The following AK3 variants were observed in gnomAD, a reference collection of about 807,000 sequenced individuals.
AK3 encodes the protein GTP:AMP phosphotransferase AK3, mitochondrial.
A neutral mutation model predicts 23.7 loss-of-function variants in AK3; 27 were observed. The observed-to-expected ratio is 1.14, with a 90% CI of 0.84 to 1.57. The LOEUF is 1.57. Ranked by LOEUF, AK3 falls within the 40% of genes most tolerant of loss-of-function variation. AK3 has a pLI of 0.00. For synonymous variants in AK3, 159 were observed against 116.0 expected (o/e 1.37, Z -2.38); for missense variants, 406 against 285.6 (o/e 1.42, Z -3.04).
intron 1 of AK3, among the ~76,000 whole-genome samples, chr9:4,734,131 C>G (rs142033519): frequency 1.5e-4 from 23 of 152,258 alleles, no homozygotes; most frequent in African/African-American, 5.1e-4. Flanking sequence ...TGGGAGGGCA[C>G]TAATCCAATA....
rs1177309289 is a variant in AK3, at chr9:4,718,435, C to T, written c.547G>A (p.Val183Ile). ...AAAACTCACTGGTAATATTCCAGGA[C>T]TGGCTTTGTTTGGTCTTCATAAGCC... ...LKAYEDQTKP[V>I]LEYYQKKGVL... is the part of the protein sequence containing the mutation. The change falls in exon 4 of 5, where the codon GTC becomes ATC. Residue 183 changes from valine to isoleucine, a missense_variant. Physicochemically the swap from Val to Ile is conservative, Grantham distance 29. Transcript: ENST00000381809. 1.2e-6 allele frequency: 2 copies of T among 1,612,282 alleles called. No individual in the cohort carries two copies. The highest frequency in any genetic ancestry group is 1.7e-5 in the Admixed American group (1 of 59,976).
intron 1 of AK3, among the ~76,000 whole-genome samples, chr9:4,740,027 T>A (rs548439115): frequency 1.3e-4 from 19 of 143,236 alleles, no homozygotes; most frequent in Non-Finnish European, 2.7e-4. Flanking sequence ...TTGTTTTTTA[T>A]GCTATGCACG....
At chr9:4,720,075 C>G (rs1361768767) in intron 2 of AK3, among the ~76,000 whole-genome samples, 2 of 151,884 alleles carry the variant, frequency 1.3e-5, no homozygotes, top group African/African-American at 4.8e-5. Flanking sequence ...AACAAACAAA[C>G]AAACACTCCA....
At position 4,711,781 on chromosome 9, in the gene AK3, C is replaced by G. The variant is rs115367443; in HGVS notation, c.*1195G>C. Reference sequence around the variant, plus strand: ...TCCAATTTTTAAATGGCTGCTCAGACGACACCAATAGAGTTCTTTCTCCTT... The same window carrying G: ...TCCAATTTTTAAATGGCTGCTCAGAGGACACCAATAGAGTTCTTTCTCCTT... On this transcript the variant is annotated 3_prime_UTR_variant, in exon 5 of 5. Coordinates refer to ENST00000381809, the MANE Select transcript of AK3 (RefSeq NM_016282.4). 2.0e-5 allele frequency: 3 copies of G among 152,126 alleles called. No individual in the cohort carries two copies. Among genetic ancestry groups the G allele is most frequent in the Non-Finnish European group, 2.9e-5 (2 of 68,016 alleles). The allele number at this position is 152,126 out of a possible 1,614,324, so 9.4% of individuals were successfully genotyped here. A position where few individuals can be genotyped will look rare whatever the true frequency, so the allele number is the denominator to read the frequency against.
At chr9:4,725,537 G>C (rs1464442573) in intron 1 of AK3, among the ~76,000 whole-genome samples, 2 of 151,968 alleles carry the variant, frequency 1.3e-5, no homozygotes, top group Non-Finnish European at 2.9e-5. Flanking sequence ...GGGAGGCTGA[G>C]GTGGGCAGAT....
intron 1 of AK3, among the ~76,000 whole-genome samples, chr9:4,738,311 G>A (rs1387670208): frequency 2.6e-5 from 4 of 152,014 alleles, no homozygotes; most frequent in African/African-American, 7.2e-5. Context: ...GATTACAAGC[G>A]CCCACCACCA....
chr9:4,718,386 A>T, intron 4 of AK3, 33 bp downstream of exon 4: 1 of 1,495,486 alleles, frequency 6.7e-7, no homozygotes, highest in Non-Finnish European at 9.3e-7. Flanking sequence ...GTGCACCACT[A>T]CGCAAGAGAA....
chr9:4,718,351 G>T, intron 4 of AK3, 68 bp downstream of exon 4: 1 of 1,180,190 alleles, frequency 8.5e-7, no homozygotes, highest in Non-Finnish European at 1.3e-6. Flanking sequence ...CAGCTGTAGA[G>T]GAAGGAAAAT....
At chr9:4,722,757 G>C (rs1841934377) in intron 1 of AK3, 132 bp from the exon 2 acceptor site, 3 of 1,367,910 alleles carry the variant, frequency 2.2e-6, no homozygotes, top group East Asian at 2.4e-5. Flanking sequence ...CAACTTTTCT[G>C]ATAAAAACAA....
In AK3 at chr9:4,722,415, C is replaced by T; in HGVS notation, c.271+91G>A. 2.5e-6 allele frequency: 4 copies of T among 1,578,274 alleles called. No individual in the cohort carries two copies. The Admixed American group carries it at 5.2e-5, about 21-fold the overall frequency. On this transcript the variant is annotated intron_variant, in intron 2 of 4. Coordinates refer to ENST00000381809, the MANE Select transcript of AK3 (RefSeq NM_016282.4). Reference sequence around the variant, plus strand: ...GCACCCCTCTCCCCAAACCACCATCCTTGACGTCTGTCTGAAGCCCATGAA... The same window carrying T: ...GCACCCCTCTCCCCAAACCACCATCTTTGACGTCTGTCTGAAGCCCATGAA...
At chr9:4,728,880 C>T (rs78030949) in intron 1 of AK3, among the ~76,000 whole-genome samples, 9 of 97,628 alleles carry the variant, frequency 9.2e-5, no homozygotes, top group African/African-American at 1.5e-4. Flanking sequence ...CACACACACA[C>T]ACATACATAT....
Position 4,741,133 on chromosome 9 carries a change from C to A in AK3, c.-46G>T. ...ACCGCGCGGGTACCAGGGCTTTGGCCTGGCCTGCGCGCTCACCCGCTCGGC... is the reference window on the plus strand; with the variant it reads ...ACCGCGCGGGTACCAGGGCTTTGGCATGGCCTGCGCGCTCACCCGCTCGGC... On this transcript the variant is annotated 5_prime_UTR_variant, in exon 1 of 5. It adds an upstream start codon to the 5' untranslated region. Transcript: ENST00000381809. 1 of 1,396,360 alleles carries A rather than the reference C, an allele frequency of 7.2e-7. No homozygotes were observed. Among genetic ancestry groups the A allele is most frequent in the Non-Finnish European group, 9.3e-7 (1 of 1,075,180 alleles). The allele number at this position is 1,396,360 out of a possible 1,614,324, so 86.5% of individuals were successfully genotyped here. A position where few individuals can be genotyped will look rare whatever the true frequency, so the allele number is the denominator to read the frequency against.
In AK3 at chr9:4,711,155, T is replaced by C. The variant is rs191099398; in HGVS notation, c.*1821A>G. 6.6e-6 allele frequency: 1 copy of C among 152,470 alleles called. No homozygotes were observed. Among genetic ancestry groups the C allele is most frequent in the South Asian group, 2.1e-4 (1 of 4,820 alleles). The allele number at this position is 152,470 out of a possible 1,614,324, so 9.4% of individuals were successfully genotyped here. ...TATTGCATAAACTGAAACCAGCCTATGGACTGTTTTAAGATCATTTATTAG... is the reference window on the plus strand; with the variant it reads ...TATTGCATAAACTGAAACCAGCCTACGGACTGTTTTAAGATCATTTATTAG... On this transcript the variant is annotated 3_prime_UTR_variant, in exon 5 of 5. Coordinates refer to ENST00000381809, the MANE Select transcript of AK3 (RefSeq NM_016282.4).
At chr9:4,741,295 C>T (rs1028864325), upstream of AK3, 13 of 442,400 alleles carry the variant, frequency 2.9e-5, no homozygotes, top group South Asian at 8.6e-5. Context: ...TCTCGGCTAC[C>T]CCGGCGCACC....
At chr9:4,713,789 T>C (rs1841625079) in intron 4 of AK3, among the ~76,000 whole-genome samples, 1 of 152,084 alleles carries the variant, frequency 6.6e-6, no homozygotes, top group Non-Finnish European at 1.5e-5. Flanking sequence ...GTGGATAACA[T>C]GGTGAAGAGT....
chr9:4,730,321 G>C (rs1000223716), intron 1 of AK3, among the ~76,000 whole-genome samples: 1 of 151,558 alleles, frequency 6.6e-6, no homozygotes, highest in East Asian at 2.0e-4. Context: ...AGGGCTAATT[G>C]TATGGTATGT....
At chr9:4,730,038 G>A (rs944826786) in intron 1 of AK3, among the ~76,000 whole-genome samples, 6 of 152,142 alleles carry the variant, frequency 3.9e-5, no homozygotes, top group African/African-American at 1.2e-4. Context: ...CAGCATAGAT[G>A]AACCTTCAAA....
At chr9:4,727,648 T>A (rs1202733251) in intron 1 of AK3, among the ~76,000 whole-genome samples, 1 of 152,138 alleles carries the variant, frequency 6.6e-6, no homozygotes, top group Non-Finnish European at 1.5e-5. Context: ...ACAAGGTTGT[T>A]TTGCTTTCTT....
At chr9:4,733,511 A>AAT (rs1452673113) in intron 1 of AK3, among the ~76,000 whole-genome samples, 1 of 152,170 alleles carries the variant, frequency 6.6e-6, no homozygotes, top group Non-Finnish European at 1.5e-5. Context: ...CAGACCTTAT[A>AAT]ATACTCTGAT....
Sources: allele counts gnomAD v4.1 joint callset (sites outside exome capture counted in the v4.1 genomes callset), GRCh38; gene constraint gnomAD v4.1.1; transcripts MANE v1.5; gene names NCBI Gene and HGNC (gene_info 2026-07-23, HGNC 2026-07-21).